The following DCTN6 variants were observed in gnomAD, a reference collection of about 807,000 sequenced individuals.
DCTN6 encodes dynactin 6.
A neutral mutation model predicts 25.8 loss-of-function variants in DCTN6; 15 were observed. The ratio of observed to expected loss-of-function variants is 0.58; its 90% CI spans 0.39 to 0.89. DCTN6 has a LOEUF of 0.89. Among genes scored for constraint, DCTN6 ranks in the 40% least tolerant of loss-of-function variants. The probability of loss-of-function intolerance (pLI) is 0.00; values close to 1 mark genes in which losing one functional copy is unlikely to be tolerated. For synonymous variants in DCTN6, 64 were observed against 78.3 expected (o/e 0.82, Z 0.96); for missense variants, 198 against 237.6 (o/e 0.83, Z 1.09).
At chr8:30,172,338 AG>A (rs1803774175) in intron 2 of DCTN6, among the ~76,000 whole-genome samples, 1 of 152,226 alleles carries the variant, frequency 6.6e-6, no homozygotes, top group South Asian at 2.1e-4. Flanking sequence ...TTGCAGAAGA[AG>A]GTAATATTTC....
At chr8:30,179,330 T>C in intron 4 of DCTN6, 78 bp from the exon 5 acceptor site, 1 of 1,233,924 alleles carries the variant, frequency 8.1e-7, no homozygotes, top group Admixed American at 2.0e-5. Flanking sequence ...TCTGTCCCAG[T>C]GCAATGTAAG....
In DCTN6 at chr8:30,183,283, T is replaced by C; in HGVS notation, c.*110T>C. ...CTCACAGAATAATACATGTTCACTT[T>C]ATTTTGTAAAATTGGGTTGAGAGGA... On this transcript the variant is annotated 3_prime_UTR_variant, in exon 7 of 7. Transcript: ENST00000221114. 2 of 797,898 alleles carry C rather than the reference T, an allele frequency of 2.5e-6. No homozygotes were observed. The highest frequency in any genetic ancestry group is 3.8e-6 in the Non-Finnish European group (2 of 526,046). 49.4% of individuals were successfully genotyped at this position (797,898 alleles called of 1,614,324 possible). A position where few individuals can be genotyped will look rare whatever the true frequency, so the allele number is the denominator to read the frequency against.
chr8:30,173,476 C>T (rs1343064511), intron 2 of DCTN6, among the ~76,000 whole-genome samples: 1 of 152,162 alleles, frequency 6.6e-6, no homozygotes, highest in African/African-American at 2.4e-5. Context: ...CACAGTGGCT[C>T]ACGCCTGTAA....
chr8:30,164,705 C>G (rs952303202), intron 2 of DCTN6, among the ~76,000 whole-genome samples: 11 of 152,210 alleles, frequency 7.2e-5, no homozygotes, highest in African/African-American at 2.7e-4. Flanking sequence ...GGTTTATTCT[C>G]TCATATAAAA....
rs1803934951 is a variant in DCTN6, at chr8:30,183,309, A to G, written c.*136A>G. On this transcript the variant is annotated 3_prime_UTR_variant, in exon 7 of 7. Transcript: ENST00000221114. ...ATTTTGTAAAATTGGGTTGAGAGGA[A>G]ACTAATGGAGTTTCATTGTAACTGT... The G allele has an allele frequency of 1.8e-6, 1 of 570,580 alleles. No individual in the cohort carries two copies. Among genetic ancestry groups the G allele is most frequent in the African/African-American group, 1.9e-5 (1 of 52,142 alleles). The allele number at this position is 570,580 out of a possible 1,614,324, so 35.3% of individuals were successfully genotyped here.
chr8:30,165,512 G>A (rs557951887), intron 2 of DCTN6, among the ~76,000 whole-genome samples: 1 of 151,008 alleles, frequency 6.6e-6, no homozygotes, highest in East Asian at 1.9e-4. Flanking sequence ...AACAATTTAG[G>A]CATCTTGTCT....
At chr8:30,169,145 G>A (rs1487657252) in intron 2 of DCTN6, among the ~76,000 whole-genome samples, 2 of 152,174 alleles carry the variant, frequency 1.3e-5, no homozygotes, top group African/African-American at 2.4e-5. Flanking sequence ...GTTTTAATAC[G>A]GACCAAAAGC....
intron 2 of DCTN6, among the ~76,000 whole-genome samples, chr8:30,174,673 G>T (rs1372594577): frequency 1.3e-5 from 2 of 152,196 alleles, no homozygotes; most frequent in African/African-American, 4.8e-5. Context: ...CTTAAGCAAA[G>T]AGAGTGTTAC....
intron 2 of DCTN6, among the ~76,000 whole-genome samples, chr8:30,166,899 C>T (rs575783437): frequency 1.4e-4 from 21 of 148,246 alleles, no homozygotes; most frequent in African/African-American, 4.0e-4. Flanking sequence ...GAGTTCAAGA[C>T]GAGTGTGGAA....
At position 30,183,250 on chromosome 8, in the gene DCTN6, C is replaced by A; in HGVS notation, c.*77C>A. The stretch of plus-strand genomic sequence containing the variant: ...AATGGGCCCACAGTGTTTATGTACT[C>A]TTAACAACTCACAGAATAATACATG... On this transcript the variant is annotated 3_prime_UTR_variant, in exon 7 of 7. Transcript: ENST00000221114. 8.8e-7 allele frequency: 1 copy of A among 1,141,654 alleles called. No homozygotes were observed. The highest frequency in any genetic ancestry group is 1.4e-5 in the South Asian group (1 of 72,888). 70.7% of individuals were successfully genotyped at this position (1,141,654 alleles called of 1,614,324 possible).
At chr8:30,163,699 CTTTT>C (rs201907906) in intron 1 of DCTN6, among the ~76,000 whole-genome samples, 3 of 137,694 alleles carry the variant, frequency 2.2e-5, no homozygotes, top group Non-Finnish European at 3.2e-5. Flanking sequence ...ATTTTTCCAT[CTTTT>C]TTTTTTTTTT....
intron 1 of DCTN6, 82 bp downstream of exon 1, chr8:30,156,488 C>T (rs2117568601): frequency 1.4e-6 from 2 of 1,477,294 alleles, no homozygotes; most frequent in African/African-American, 1.4e-5. Flanking sequence ...GGTGGCGACT[C>T]AGAAGGTGTC....
chr8:30,164,214 G>A, intron 2 of DCTN6, 39 bp downstream of exon 2: 2 of 1,493,850 alleles, frequency 1.3e-6, no homozygotes, highest in Non-Finnish European at 1.9e-6. Flanking sequence ...AAGAATTGAT[G>A]TGATTTAATC....
chr8:30,182,717 G>T (rs1350672062), intron 6 of DCTN6, among the ~76,000 whole-genome samples: 2 of 149,680 alleles, frequency 1.3e-5, no homozygotes, highest in African/African-American at 4.9e-5. Context: ...CTTTGAGACA[G>T]GGTCTGGCTC....
At chr8:30,157,899 G>A (rs1803547095) in intron 1 of DCTN6, among the ~76,000 whole-genome samples, 1 of 152,174 alleles carries the variant, frequency 6.6e-6, no homozygotes, top group South Asian at 2.1e-4. Flanking sequence ...AGGAACAGAT[G>A]TACTATAAAT....
chr8:30,172,555 A>T (rs1803778284), intron 2 of DCTN6, among the ~76,000 whole-genome samples: 1 of 151,846 alleles, frequency 6.6e-6, no homozygotes, highest in Non-Finnish European at 1.5e-5. Flanking sequence ...GGTTCAAGCG[A>T]TCCTCCCACC....
Position 30,175,093 on chromosome 8 carries a change from A to G in DCTN6, c.97A>G (p.Thr33Ala), listed in dbSNP as rs1803813125. Residue 33 changes from threonine (T) to alanine (A), a missense_variant, in exon 3 of 7, where the codon ACA (threonine) becomes GCA (alanine). Coordinates refer to ENST00000221114, the MANE Select transcript of DCTN6 (RefSeq NM_006571.4). Reference protein sequence around the residue: ...IRGDVTIGPRTVIHPKARIIA... With the variant: ...IRGDVTIGPRAVIHPKARIIA... ...CAAACTATTTTTAACAGGACCTCGG[A>G]CAGTGATCCACCCTAAAGCAAGAAT... The G allele has an allele frequency of 6.2e-7, 1 of 1,613,962 alleles. No individual in the cohort carries two copies. Among genetic ancestry groups the G allele is most frequent in the Admixed American group, 1.7e-5 (1 of 59,982 alleles).
rs753886811 is a variant in DCTN6, at chr8:30,156,374, G to T, written c.-10G>T. 1.1e-5 allele frequency: 18 copies of T among 1,605,256 alleles called. No homozygotes were observed. The Admixed American group carries it at 2.9e-4, about 26-fold the overall frequency. On this transcript the variant is annotated 5_prime_UTR_variant, in exon 1 of 7. Coordinates refer to ENST00000221114, the MANE Select transcript of DCTN6 (RefSeq NM_006571.4). ...GTGGTGTCGATCTACGTTCCAATTG[G>T]GGCCGTACCATGGCGGAGAAGACTC...
chr8:30,172,026 T>C (rs7008231), intron 2 of DCTN6, among the ~76,000 whole-genome samples: 9,150 of 152,152 alleles, frequency 0.06, 397 homozygotes, highest in East Asian at 0.24. Context: ...AAGAGGCAGA[T>C]TGTGTCCTGT....
Sources: gnomAD v4.1 joint callset for allele counts (sites outside exome capture counted in the v4.1 genomes callset) on GRCh38, gnomAD v4.1.1 for gene constraint, MANE v1.5 for transcripts, NCBI Gene and HGNC (gene_info 2026-07-23, HGNC 2026-07-21) for gene names.